The following LRRIQ3 variants were observed in gnomAD, a reference collection of about 807,000 sequenced individuals.
LRRIQ3 encodes leucine rich repeats and IQ motif containing 3, also known as leucine-rich repeat and IQ domain-containing protein 3.
LRRIQ3 carries 75 observed loss-of-function variants against 59.3 expected under a neutral mutation model. The ratio of observed to expected loss-of-function variants is 1.26; its 90% CI spans 1.05 to 1.53. The LOEUF (loss-of-function observed/expected upper bound fraction) is 1.53, where lower values mean the gene tolerates loss of function less well. Among genes scored for constraint, LRRIQ3 ranks in the 40% most tolerant of loss-of-function variants. The pLI is 0.00. For synonymous variants in LRRIQ3, 250 were observed against 231.3 expected (o/e 1.08, Z -0.73); for missense variants, 831 against 710.0 (o/e 1.17, Z -1.94).
chr1:74,081,937 C>T (rs1217611882), intron 5 of LRRIQ3: 3 of 151,516 alleles, frequency 2.0e-5, no homozygotes, highest in African/African-American at 2.4e-5. Context: ...AAATTACTCT[C>T]TCTGAGGACT....
chr1:74,115,185 A>G (rs1354065339), intron 4 of LRRIQ3, among the ~76,000 whole-genome samples: 1 of 152,248 alleles, frequency 6.6e-6, no homozygotes, highest in South Asian at 2.1e-4. Flanking sequence ...TCAATCATTC[A>G]TTCATTCAAA....
chr1:74,037,891 C>T (rs74737352), intron 7 of LRRIQ3, among the ~76,000 whole-genome samples: 13,031 of 152,190 alleles, frequency 0.086, 738 homozygotes, highest in Middle Eastern at 0.15. Context: ...CCCATGCCAC[C>T]GGGAAGCCAT....
chr1:74,190,063 T>C (rs1277333261), intron 1 of LRRIQ3, among the ~76,000 whole-genome samples: 1 of 152,080 alleles, frequency 6.6e-6, no homozygotes, highest in African/African-American at 2.4e-5. Context: ...ATTAGAAAGC[T>C]GAACAAACTA....
chr1:74,036,206 C>T (rs947245744), intron 7 of LRRIQ3, among the ~76,000 whole-genome samples: 5 of 152,116 alleles, frequency 3.3e-5, no homozygotes, highest in Non-Finnish European at 5.9e-5. Context: ...AACTGAGAAA[C>T]TTGCAGAAGC....
At chr1:74,125,495 A>C (rs1159379800) in intron 4 of LRRIQ3, among the ~76,000 whole-genome samples, 1 of 151,896 alleles carries the variant, frequency 6.6e-6, no homozygotes, top group East Asian at 1.9e-4. Flanking sequence ...GGTCTTTAGT[A>C]CACAGCTTTT....
intron 3 of LRRIQ3, among the ~76,000 whole-genome samples, chr1:74,157,198 C>T (rs918390300): frequency 3.9e-5 from 6 of 152,066 alleles, no homozygotes; most frequent in African/African-American, 1.4e-4. Context: ...GCTTCCTAAA[C>T]ACTCTGCTTC....
intron 4 of LRRIQ3, among the ~76,000 whole-genome samples, chr1:74,120,409 C>T (rs1222434893): frequency 6.6e-6 from 1 of 152,138 alleles, no homozygotes; most frequent in Non-Finnish European, 1.5e-5. Flanking sequence ...AGCCACAGTG[C>T]TGGCCTCTAT....
intron 4 of LRRIQ3, among the ~76,000 whole-genome samples, chr1:74,125,272 T>C (rs1398903472): frequency 6.6e-6 from 1 of 151,950 alleles, no homozygotes; most frequent in Non-Finnish European, 1.5e-5. Context: ...TTTTGGGTGT[T>C]TTCAAATATA....
intron 6 of LRRIQ3, among the ~76,000 whole-genome samples, chr1:74,065,768 A>T (rs1459098211): frequency 1.3e-5 from 2 of 152,142 alleles, no homozygotes; most frequent in African/African-American, 4.8e-5. Flanking sequence ...ATGTATAATC[A>T]TGTTGTTTGT....
chr1:74,084,283 T>C (rs998914712), intron 5 of LRRIQ3: 3 of 1,454,080 alleles, frequency 2.1e-6, no homozygotes, highest in Non-Finnish European at 2.8e-6. Flanking sequence ...AGGTGTACCA[T>C]TAGTTAACAA....
At chr1:74,130,555 G>T (rs1214247198) in intron 4 of LRRIQ3, among the ~76,000 whole-genome samples, 1 of 152,086 alleles carries the variant, frequency 6.6e-6, no homozygotes, top group Non-Finnish European at 1.5e-5. Flanking sequence ...TTGATATGAA[G>T]ATAAAACCAA....
rs1653920740 is a variant in LRRIQ3 at position 74,037,904 on chromosome 1, A to G, written c.1718+3309T>C. Among the ~76,000 whole-genome samples the G allele has an allele frequency of 3.3e-5, 5 of 152,328 alleles. No homozygotes were observed. In the South Asian group the frequency reaches 8.3e-4, roughly 25 times the overall value. On this transcript the variant is annotated intron_variant, in intron 7 of 7. Transcript: ENST00000354431. The stretch of plus-strand genomic sequence containing the variant: ...AACCCATGCCACCGGGAAGCCATGC[A>G]GATTCTCAACAGCCACTCAACTAGA...
rs189815588 is a variant in LRRIQ3, at chr1:74,170,382, T to C, written c.573+12156A>G. Among the ~76,000 whole-genome samples the C allele has an allele frequency of 2.4e-3, 361 of 152,324 alleles. 3 individuals are homozygous for C. The Middle Eastern group carries it at 0.048, about 20-fold the overall frequency. ...AGGTCCAATTTCATTCTTTTTGATA[T>C]GGATATCCAGTTTTCTCAACATCAT... On this transcript the variant is annotated intron_variant, in intron 3 of 7. Coordinates refer to ENST00000354431, the MANE Select transcript of LRRIQ3 (RefSeq NM_001105659.2).
At chr1:74,123,535 T>C (rs1310601699) in intron 4 of LRRIQ3, among the ~76,000 whole-genome samples, 1 of 152,060 alleles carries the variant, frequency 6.6e-6, no homozygotes, top group African/African-American at 2.4e-5. Flanking sequence ...CTCCTATAAA[T>C]GAGTGAGAAT....
At chr1:74,070,786 T>C (rs1255296658) in intron 6 of LRRIQ3, among the ~76,000 whole-genome samples, 1 of 151,740 alleles carries the variant, frequency 6.6e-6, no homozygotes, top group African/African-American at 2.4e-5. Flanking sequence ...AAACTATCTG[T>C]CCAACAATCC....
At chr1:74,195,124 A>T (rs1183416542) in intron 1 of LRRIQ3, among the ~76,000 whole-genome samples, 1 of 152,120 alleles carries the variant, frequency 6.6e-6, no homozygotes, top group Non-Finnish European at 1.5e-5. Flanking sequence ...GCATAGTGAG[A>T]AAAAAAATAT....
intron 5 of LRRIQ3, among the ~76,000 whole-genome samples, chr1:74,104,266 A>T (rs560373749): frequency 6.6e-6 from 1 of 152,158 alleles, no homozygotes; most frequent in Non-Finnish European, 1.5e-5. Context: ...TTCATTGCTG[A>T]TGGGAATGCA....
chr1:74,032,195 T>C lies in LRRIQ3; in HGVS notation c.1719-5226A>G, dbSNP rs578140773. On this transcript the variant is annotated intron_variant, in intron 7 of 7. Transcript: ENST00000354431. The stretch of plus-strand genomic sequence containing the variant: ...TTAAATGTGTTAAATTTAAATGTTT[T>C]GAATTTATTAAAATTTAAATTTATA... Among the ~76,000 whole-genome samples, 5 of 152,202 alleles carry C rather than the reference T, an allele frequency of 3.3e-5. No individual in the cohort carries two copies. In the East Asian group the frequency reaches 9.6e-4, roughly 29 times the overall value.
Position 74,127,742 on chromosome 1 carries a change from A to G in LRRIQ3, c.708-18189T>C, listed in dbSNP as rs75721131. ...CTTCTAGGTTGTTTTTACTCAAGATATGACTAGTTTAGACACCACAATTAC... is the reference window on the plus strand; with the variant it reads ...CTTCTAGGTTGTTTTTACTCAAGATGTGACTAGTTTAGACACCACAATTAC... On this transcript the variant is annotated intron_variant, in intron 4 of 7. Coordinates refer to ENST00000354431, the MANE Select transcript of LRRIQ3 (RefSeq NM_001105659.2). Among the ~76,000 whole-genome samples, 348 of 152,076 alleles carry G rather than the reference A, an allele frequency of 2.3e-3. 1 individual carries two copies. Among genetic ancestry groups the G allele is most frequent in the Non-Finnish European group, 3.9e-3 (264 of 67,934 alleles).
Sources: gnomAD v4.1 joint callset for allele counts (sites outside exome capture counted in the v4.1 genomes callset) on GRCh38, gnomAD v4.1.1 for gene constraint, MANE v1.5 for transcripts, NCBI Gene and HGNC (gene_info 2026-07-23, HGNC 2026-07-21) for gene names.